The following EPM2A variants were observed in gnomAD, a reference collection of about 807,000 sequenced individuals.
EPM2A encodes the protein EPM2A glucan phosphatase, laforin.
Under a neutral mutation model 26.5 loss-of-function variants are expected in EPM2A, and 21 were observed. That is an observed-to-expected ratio of 0.79 (90% CI 0.56 to 1.14). The LOEUF (loss-of-function observed/expected upper bound fraction) is 1.14. EPM2A is among the 50% of genes most tolerant of loss of function. The probability of loss-of-function intolerance (pLI) is 0.00; values close to 1 mark genes in which losing one functional copy is unlikely to be tolerated. For synonymous variants in EPM2A, 217 were observed against 177.6 expected (o/e 1.22, Z -1.76); for missense variants, 458 against 440.8 (o/e 1.04, Z -0.35).
intron 4 of EPM2A, among the ~76,000 whole-genome samples, chr6:145,468,761 A>G (rs1026391507): frequency 1.3e-5 from 2 of 152,076 alleles, no homozygotes; most frequent in African/African-American, 4.8e-5. Context: ...CAAGCACAGG[A>G]AACTAATGCA....
At position 145,447,984 on chromosome 6, in the gene EPM2A, T is replaced by C. The variant is rs116401197; in HGVS notation, c.555+54538A>G. On this transcript the variant is annotated intron_variant, in intron 4 of 4. Transcript: ENST00000638717. The stretch of plus-strand genomic sequence containing the variant: ...AGGACTTCTTATACTTGATAAACTA[T>C]TGGAATCAAAAAGATAAAATTATAT... 5.2e-3 allele frequency among the ~76,000 whole-genome samples: 789 copies of C among 152,222 alleles called. 4 individuals are homozygous for C. The highest frequency in any genetic ancestry group is 0.018 in the African/African-American group (763 of 41,556).
At chr6:145,503,021 T>C (rs962177588) in intron 2 of EPM2A, among the ~76,000 whole-genome samples, 1 of 152,180 alleles carries the variant, frequency 6.6e-6, no homozygotes, top group African/African-American at 2.4e-5. Context: ...CATTTAAATG[T>C]TTTTAGTGAT....
chr6:145,506,253 A>G (rs1779972464), intron 2 of EPM2A, among the ~76,000 whole-genome samples: 1 of 152,202 alleles, frequency 6.6e-6, no homozygotes, highest in South Asian at 2.1e-4. Context: ...GAAGAAGGAA[A>G]TCTAATCAGT....
Position 145,686,171 on chromosome 6 carries a change from T to C in EPM2A, c.427A>G (p.Thr143Ala), listed in dbSNP as rs144204777. The C allele has an allele frequency of 5.5e-5, 88 of 1,613,926 alleles. No individual in the cohort carries two copies. The highest frequency in any genetic ancestry group is 7.4e-5 in the Non-Finnish European group (87 of 1,179,956). Residue 143 changes from threonine (T) to alanine (A), a missense_variant, in exon 2 of 4, where the codon ACA becomes GCA. Coordinates refer to ENST00000367519, the MANE Select transcript of EPM2A (RefSeq NM_005670.4). Reference protein sequence around the residue: ...TGHTNEMKHTTDFYFNIAGHQ... With the variant: ...TGHTNEMKHTADFYFNIAGHQ... Reference sequence around the variant, plus strand: ...CCTGCAATATTAAAATAGAAGTCTGTTGTGTGCTTCATTTCATTGGTGTGC... The same window carrying C: ...CCTGCAATATTAAAATAGAAGTCTGCTGTGTGCTTCATTTCATTGGTGTGC...
At position 145,686,472 on chromosome 6, in the gene EPM2A, T is replaced by C. The variant is rs756186803; in HGVS notation, c.302-176A>G. Among the ~76,000 whole-genome samples, 108 of 152,182 alleles carry C rather than the reference T, an allele frequency of 7.1e-4. 1 individual carries two copies. Among genetic ancestry groups the C allele is most frequent in the Non-Finnish European group, 2.4e-4 (16 of 68,020 alleles). On this transcript the variant is annotated intron_variant, in intron 1 of 3. Coordinates refer to ENST00000367519, the MANE Select transcript of EPM2A (RefSeq NM_005670.4). ...TGAAAAACAGAACGGTAGGAATTTGTAAAGAGCTACTTAGGAAAATCAGAG... is the reference window on the plus strand; with the variant it reads ...TGAAAAACAGAACGGTAGGAATTTGCAAAGAGCTACTTAGGAAAATCAGAG...
intron 1 of EPM2A, among the ~76,000 whole-genome samples, chr6:145,719,726 T>C (rs368896771): frequency 6.6e-6 from 1 of 152,220 alleles, no homozygotes; most frequent in Non-Finnish European, 1.5e-5. Flanking sequence ...AAATATCTCT[T>C]AACCTCAAGG....
chr6:145,579,867 G>T (rs1010199251), intron 2 of EPM2A, among the ~76,000 whole-genome samples: 1 of 151,660 alleles, frequency 6.6e-6, no homozygotes, highest in East Asian at 1.9e-4. Flanking sequence ...TTATTTTATT[G>T]GTTGCTATAG....
At chr6:145,484,467 C>A (rs1779648993) in intron 4 of EPM2A, among the ~76,000 whole-genome samples, 1 of 152,014 alleles carries the variant, frequency 6.6e-6, no homozygotes, top group Admixed American at 6.6e-5. Flanking sequence ...AGATAACAAT[C>A]CTGTTGAAGA....
At chr6:145,683,540 A>T (rs1416985486) in intron 2 of EPM2A, among the ~76,000 whole-genome samples, 2 of 152,160 alleles carry the variant, frequency 1.3e-5, no homozygotes, top group Admixed American at 1.3e-4. Context: ...AAAGAAACGT[A>T]CGCTTTCTTG....
intron 2 of EPM2A, among the ~76,000 whole-genome samples, chr6:145,644,931 A>G (rs1777350793): frequency 6.6e-6 from 1 of 152,204 alleles, no homozygotes; most frequent in Non-Finnish European, 1.5e-5. Flanking sequence ...TTTATTACTA[A>G]GTAGGAAAGA....
In EPM2A at chr6:145,460,602, C is replaced by T. The variant is rs934594073; in HGVS notation, c.555+41920G>A. Among the ~76,000 whole-genome samples, 16 of 151,992 alleles carry T rather than the reference C, an allele frequency of 1.1e-4. No individual in the cohort carries two copies. The East Asian group carries it at 1.2e-3, about 11-fold the overall frequency. On this transcript the variant is annotated intron_variant, in intron 4 of 4. Transcript: ENST00000638717. The stretch of plus-strand genomic sequence containing the variant: ...TTTGTTTCCTGCCCTCCCTTCCTCC[C>T]TTACTTCCTTCCTTCCTGTACGAGA...
At chr6:145,573,022 G>A (rs1335507467) in intron 2 of EPM2A, among the ~76,000 whole-genome samples, 2 of 152,176 alleles carry the variant, frequency 1.3e-5, no homozygotes, top group Non-Finnish European at 2.9e-5. Flanking sequence ...CCACACCACT[G>A]GACTTCTAGA....
chr6:145,434,383 C>T (rs967695624), intron 4 of EPM2A, among the ~76,000 whole-genome samples: 1 of 151,948 alleles, frequency 6.6e-6, no homozygotes, highest in Non-Finnish European at 1.5e-5. Context: ...CCTACCTTAG[C>T]CTCTACTCTG....
Position 145,664,652 on chromosome 6 carries a change from A to C in EPM2A, c.476+21470T>G, listed in dbSNP as rs1779016934. Among the ~76,000 whole-genome samples the C allele has an allele frequency of 2.0e-5, 3 of 152,092 alleles. No individual in the cohort carries two copies. The South Asian group carries it at 6.2e-4, about 32-fold the overall frequency. Reference sequence around the variant, plus strand: ...ACCCAGGAATTGAACTCAGCTCTGCACCAAGCGGACCTAATCGACATCTAC... The same window carrying C: ...ACCCAGGAATTGAACTCAGCTCTGCCCCAAGCGGACCTAATCGACATCTAC... On this transcript the variant is annotated intron_variant, in intron 2 of 3. Coordinates refer to ENST00000367519, the MANE Select transcript of EPM2A (RefSeq NM_005670.4).
intron 1 of EPM2A, among the ~76,000 whole-genome samples, chr6:145,690,689 GAATTATGTGAT>G (rs1440396219): frequency 6.6e-6 from 1 of 151,452 alleles, no homozygotes; most frequent in East Asian, 1.9e-4. Context: ...AATGATGTTA[GAATTATGTGAT>G]AATTATGTGA....
At chr6:145,458,390 TC>T (rs35744967) in intron 4 of EPM2A, among the ~76,000 whole-genome samples, 3 of 152,166 alleles carry the variant, frequency 2.0e-5, no homozygotes, top group Non-Finnish European at 4.4e-5. Context: ...GCCATTCTTC[TC>T]CCCAGGGGCT....
intron 2 of EPM2A, among the ~76,000 whole-genome samples, chr6:145,568,857 G>A (rs993637621): frequency 6.6e-6 from 1 of 152,172 alleles, no homozygotes; most frequent in African/African-American, 2.4e-5. Flanking sequence ...TTAGGAGCAC[G>A]ATGAGGACAA....
chr6:145,651,310 T>C (rs1217556534), intron 2 of EPM2A, among the ~76,000 whole-genome samples: 9 of 152,238 alleles, frequency 5.9e-5, no homozygotes, highest in Admixed American at 3.3e-4. Flanking sequence ...AAAATGATGG[T>C]GATTAAGTAG....
chr6:145,595,108 C>T (rs1781324940), intron 2 of EPM2A, among the ~76,000 whole-genome samples: 1 of 149,932 alleles, frequency 6.7e-6, no homozygotes, highest in Non-Finnish European at 1.5e-5. Context: ...AGAGATCTGT[C>T]TCTTTTTTTA....
Sources: gnomAD v4.1 joint callset for allele counts (sites outside exome capture counted in the v4.1 genomes callset) on GRCh38, gnomAD v4.1.1 for gene constraint, MANE v1.5 for transcripts, NCBI Gene and HGNC (gene_info 2026-07-23, HGNC 2026-07-21) for gene names.